Variants in BNC2 observed in about 807,000 individuals in gnomAD.
BNC2 encodes the protein zinc finger protein basonuclin-2.
In BNC2, 20 loss-of-function variants were observed where a neutral mutation model predicts 76.3. The ratio of observed to expected loss-of-function variants is 0.26; its 90% CI spans 0.18 to 0.38. The LOEUF is 0.38. Among genes scored for constraint, BNC2 ranks in the 10% least tolerant of loss-of-function variants. BNC2 has a pLI of 1.00. For synonymous variants in BNC2, 582 were observed against 514.8 expected, an observed-to-expected ratio of 1.13 and a Z score of -1.77; for missense variants, 1,382 against 1,399.8, an observed-to-expected ratio of 0.99 and a Z score of 0.20.
At chr9:16,842,564 G>A (rs534761146) in intron 1 of BNC2, among the ~76,000 whole-genome samples, 108 of 152,156 alleles carry the variant, frequency 7.1e-4, no homozygotes, top group African/African-American at 2.4e-3. Flanking sequence ...TAGTGTTGAT[G>A]GTTCCACAGC....
At chr9:16,697,701 A>G (rs985549634) in intron 3 of BNC2, among the ~76,000 whole-genome samples, 12 of 151,890 alleles carry the variant, frequency 7.9e-5, no homozygotes, top group Non-Finnish European at 1.2e-4. Flanking sequence ...AGCCTAAGCA[A>G]CAAGTGAGAC....
At chr9:16,782,178 G>A (rs1051403310) in intron 1 of BNC2, among the ~76,000 whole-genome samples, 6 of 151,850 alleles carry the variant, frequency 4.0e-5, no homozygotes, top group East Asian at 3.9e-4. Context: ...CCAGCTACTC[G>A]GGAGGCTGAG....
chr9:16,582,971 G>C lies in BNC2; in HGVS notation c.433+12C>G. ...TAATAAGAACGGGAAGAAAAGCCCAGATTTTCCTCACCATGTGCCACCCAG... is the reference window on the plus strand; with the variant it reads ...TAATAAGAACGGGAAGAAAAGCCCACATTTTCCTCACCATGTGCCACCCAG... On this transcript the variant is annotated intron_variant, in intron 4 of 6. Transcript: ENST00000380672. 2 of 1,600,868 alleles carry C rather than the reference G, an allele frequency of 1.2e-6. No individual in the cohort carries two copies. The highest frequency in any genetic ancestry group is 1.7e-6 in the Non-Finnish European group (2 of 1,169,534).
At chr9:16,655,074 G>A (rs1019051340) in intron 3 of BNC2, among the ~76,000 whole-genome samples, 2 of 151,534 alleles carry the variant, frequency 1.3e-5, no homozygotes, top group Non-Finnish European at 2.9e-5. Context: ...ATTAAAAGGG[G>A]TCTCACTCAC....
At chr9:16,722,416 T>C (rs1030767872) in intron 3 of BNC2, among the ~76,000 whole-genome samples, 1 of 152,216 alleles carries the variant, frequency 6.6e-6, no homozygotes, top group African/African-American at 2.4e-5. Context: ...CATAAAGCTA[T>C]GCATGAATAA....
chr9:16,870,508 T>A (rs2136251962), intron 1 of BNC2, 138 bp downstream of exon 1: 2 of 890,870 alleles, frequency 2.2e-6, no homozygotes, highest in Non-Finnish European at 3.3e-6. Context: ...CGGCCCGCCC[T>A]CCTCAGCGCC....
chr9:16,659,169 C>T (rs1822023805), intron 3 of BNC2, among the ~76,000 whole-genome samples: 1 of 151,696 alleles, frequency 6.6e-6, no homozygotes, highest in African/African-American at 2.4e-5. Context: ...TGTGAATGCA[C>T]ACACGTGCAC....
chr9:16,745,457 C>T (rs1176126502), intron 1 of BNC2, among the ~76,000 whole-genome samples: 6 of 152,112 alleles, frequency 3.9e-5, no homozygotes, highest in African/African-American at 9.7e-5. Flanking sequence ...GTAACAGAAA[C>T]GTATGTTCCT....
chr9:16,542,135 C>A (rs983679539), intron 5 of BNC2, among the ~76,000 whole-genome samples: 2 of 152,100 alleles, frequency 1.3e-5, no homozygotes, highest in African/African-American at 4.8e-5. Context: ...TACATGAGAA[C>A]AAGGAAATCA....
intron 5 of BNC2, among the ~76,000 whole-genome samples, chr9:16,517,750 CT>C (rs1242054118): frequency 2.6e-5 from 4 of 151,992 alleles, no homozygotes; most frequent in Non-Finnish European, 5.9e-5. Flanking sequence ...GGAAATATGC[CT>C]GGGGTGTTTA....
intron 5 of BNC2, among the ~76,000 whole-genome samples, chr9:16,493,835 C>T (rs1822328450): frequency 6.6e-6 from 1 of 152,090 alleles, no homozygotes; most frequent in Non-Finnish European, 1.5e-5. Context: ...ATAGATGCAG[C>T]AGTAAGTAGA....
At chr9:16,685,954 G>C (rs965167992) in intron 3 of BNC2, among the ~76,000 whole-genome samples, 1 of 152,078 alleles carries the variant, frequency 6.6e-6, no homozygotes, top group Non-Finnish European at 1.5e-5. Flanking sequence ...GAAATGCAGG[G>C]ATGGGAAAAG....
At chr9:16,653,386 C>T (rs1157394417) in intron 3 of BNC2, among the ~76,000 whole-genome samples, 1 of 152,164 alleles carries the variant, frequency 6.6e-6, no homozygotes, top group African/African-American at 2.4e-5. Context: ...TCTCCTCTTG[C>T]CGCCTTAAAT....
At chr9:16,627,877 C>A (rs1362188015) in intron 3 of BNC2, among the ~76,000 whole-genome samples, 1 of 152,102 alleles carries the variant, frequency 6.6e-6, no homozygotes, top group Non-Finnish European at 1.5e-5. Context: ...AGAAAAAGAG[C>A]TCAGTGTTGA....
chr9:16,498,572 G>T (rs925788581), intron 5 of BNC2, among the ~76,000 whole-genome samples: 3 of 151,416 alleles, frequency 2.0e-5, no homozygotes, highest in Non-Finnish European at 4.4e-5. Context: ...CAGTGTATAC[G>T]GCTGATGGGT....
chr9:16,713,885 G>C lies in BNC2; in HGVS notation c.330+13912C>G, dbSNP rs533084848. 6.9e-4 allele frequency among the ~76,000 whole-genome samples: 105 copies of C among 152,092 alleles called. 1 individual carries two copies. Among genetic ancestry groups the C allele is most frequent in the Non-Finnish European group, 1.3e-3 (89 of 68,034 alleles). On this transcript the variant is annotated intron_variant, in intron 3 of 6. Transcript: ENST00000380672. ...AGCTCAGGAGTTCAAGCCCAGCCTGGGCAATATGGCAAAACCCTATCTCTA... is the reference window on the plus strand; with the variant it reads ...AGCTCAGGAGTTCAAGCCCAGCCTGCGCAATATGGCAAAACCCTATCTCTA...
chr9:16,728,111 G>C, intron 2 of BNC2, 114 bp from the exon 3 acceptor site: 3 of 554,374 alleles, frequency 5.4e-6, no homozygotes, highest in East Asian at 5.0e-5. Context: ...AGATTTGGGG[G>C]AGGGAGGGGG....
At chr9:16,676,969 C>A (rs1537001) in intron 3 of BNC2, among the ~76,000 whole-genome samples, 13,219 of 152,192 alleles carry the variant, frequency 0.087, 688 homozygotes, top group South Asian at 0.19. Context: ...ACATAGTTAT[C>A]TTGTTCCAAA....
chr9:16,594,620 T>C (rs1013640879), intron 3 of BNC2, among the ~76,000 whole-genome samples: 5 of 152,174 alleles, frequency 3.3e-5, no homozygotes, highest in African/African-American at 7.2e-5. Flanking sequence ...CCCAGGCCAA[T>C]TGAGACAGAC....
Sources: allele counts gnomAD v4.1 joint callset (sites outside exome capture counted in the v4.1 genomes callset), GRCh38; gene constraint gnomAD v4.1.1; transcripts MANE v1.5; gene names NCBI Gene and HGNC (gene_info 2026-07-23, HGNC 2026-07-21).